Variants in ORC4 observed in about 807,000 individuals in gnomAD.
The protein encoded by ORC4 is origin recognition complex, subunit 4 homolog.
A neutral mutation model predicts 63.9 loss-of-function variants in ORC4; 55 were observed. That is an observed-to-expected ratio of 0.86 (90% confidence interval 0.69 to 1.08). The LOEUF (loss-of-function observed/expected upper bound fraction) is 1.08. Ranked by LOEUF, ORC4 falls within the 50% of genes least tolerant of loss-of-function variation. The pLI is 0.00. For missense variants in ORC4, 511 were observed against 504.4 expected, an observed-to-expected ratio of 1.01 and a Z score of -0.13; for synonymous variants, 150 against 168.5, an observed-to-expected ratio of 0.89 and a Z score of 0.85.
At chr2:147,952,603 C>G (rs1689022081) in intron 7 of ORC4, 79 bp from the exon 8 acceptor site, 1 of 1,180,320 alleles carries the variant, frequency 8.5e-7, no homozygotes, top group Admixed American at 1.8e-5. Context: ...TACTATATTT[C>G]AGTTTTTAAA....
At chr2:147,942,454 T>A (rs1309062697) in intron 10 of ORC4, among the ~76,000 whole-genome samples, 5 of 151,830 alleles carry the variant, frequency 3.3e-5, no homozygotes, top group Admixed American at 3.3e-4. Context: ...GGTTCAACAC[T>A]CAAAAAATAA....
At chr2:147,971,251 ATCT>A (rs1319955266) in intron 4 of ORC4, among the ~76,000 whole-genome samples, 8 of 151,900 alleles carry the variant, frequency 5.3e-5, no homozygotes, top group Admixed American at 3.9e-4. Context: ...AATAAATGAA[ATCT>A]TCTGCTCTGC....
intron 1 of ORC4, among the ~76,000 whole-genome samples, chr2:147,981,356 A>G (rs929628055): frequency 5.3e-5 from 8 of 152,236 alleles, no homozygotes; most frequent in African/African-American, 1.9e-4. Context: ...AAGACAGAGC[A>G]GGACACTGCA....
chr2:147,939,168 G>C lies in ORC4; in HGVS notation c.930C>G (p.Ser310Arg). 6.2e-7 allele frequency: 1 copy of C among 1,610,952 alleles called. No individual in the cohort carries two copies. The highest frequency in any genetic ancestry group is 8.5e-7 in the Non-Finnish European group (1 of 1,177,280). The change falls in exon 11 of 14, where the codon AGC becomes AGG. Residue 310 changes from serine (S) to arginine (R), a missense_variant. Coordinates refer to ENST00000392857, the MANE Select transcript of ORC4 (RefSeq NM_181741.4). Reference protein sequence around the residue: ...VDLMEASQLCSMDSKANIVHG... With the variant: ...VDLMEASQLCRMDSKANIVHG... ...GTACAATATTTGCTTTCGAGTCCAT[G>C]CTACACAGTTGGCTTGCTTCCATTA... is the stretch of plus-strand genomic sequence containing the variant.
intron 4 of ORC4, among the ~76,000 whole-genome samples, chr2:147,962,693 A>G (rs1350318848): frequency 6.6e-6 from 1 of 152,098 alleles, no homozygotes. Context: ...TCTCCCAAGA[A>G]GGAGAGGCCC....
At position 147,931,077 on chromosome 2, in the gene ORC4, A is replaced by C. The variant is rs577768202; in HGVS notation, c.*4433T>G. The C allele has an allele frequency of 6.9e-6, 1 of 144,928 alleles. No individual in the cohort carries two copies. Among genetic ancestry groups the C allele is most frequent in the Non-Finnish European group, 1.5e-5 (1 of 66,074 alleles). 9.0% of individuals were successfully genotyped at this position (144,928 alleles called of 1,614,324 possible). On this transcript the variant is annotated 3_prime_UTR_variant, in exon 14 of 14. Transcript: ENST00000392857. ...TGTGTCCATGTGATCTCATTGTTCAATTCCCACCTATGAGTGAGAATATGC... is the reference window on the plus strand; with the variant it reads ...TGTGTCCATGTGATCTCATTGTTCACTTCCCACCTATGAGTGAGAATATGC...
chr2:147,938,135 C>T lies in ORC4; in HGVS notation c.1122+11G>A, dbSNP rs200822991. 2.0e-5 allele frequency: 31 copies of T among 1,588,112 alleles called. 1 individual carries two copies. In the South Asian group the frequency reaches 3.3e-4, roughly 17 times the overall value. On this transcript the variant is annotated intron_variant, in intron 13 of 13. Coordinates refer to ENST00000392857, the MANE Select transcript of ORC4 (RefSeq NM_181741.4). ...TTGTCTGTAGAAAAATGACAGCAAA[C>T]TAAATCTTACCTTCATGACAACAGG...
At chr2:148,013,464 G>A (rs1203450135) in intron 1 of ORC4, among the ~76,000 whole-genome samples, 2 of 152,112 alleles carry the variant, frequency 1.3e-5, no homozygotes, top group African/African-American at 2.4e-5. Flanking sequence ...TGGTTAATGG[G>A]TAGAAAAATA....
At chr2:147,975,442 T>C (rs1007780678) in intron 2 of ORC4, among the ~76,000 whole-genome samples, 5 of 151,634 alleles carry the variant, frequency 3.3e-5, no homozygotes, top group African/African-American at 1.2e-4. Context: ...AGAATGTCCA[T>C]TCTTCCCAAT....
Position 147,943,508 on chromosome 2 carries a change from A to G in ORC4, c.777T>C (p.Asp259=). 2 of 1,542,722 alleles carry G rather than the reference A, an allele frequency of 1.3e-6. No individual in the cohort carries two copies. The highest frequency in any genetic ancestry group is 1.8e-6 in the Non-Finnish European group (2 of 1,117,640). ...WNENVQYLSE[D]RSVQEVLQKH... ...TCTGTAGTACTTCTTGCACACTTCT[A>G]TCTTCTGAGAGATACTAAAAGGAAA... Residue 259 remains aspartate, a synonymous_variant, in exon 10 of 14, where the codon GAT becomes GAC. Transcript: ENST00000392857.
intron 13 of ORC4, 69 bp downstream of exon 13, chr2:147,938,077 A>T: frequency 9.8e-7 from 1 of 1,019,560 alleles, no homozygotes; most frequent in Non-Finnish European, 1.5e-6. Flanking sequence ...GTGCAATTTT[A>T]ATACATAATC....
At chr2:148,010,821 A>T (rs1323862970) in intron 1 of ORC4, among the ~76,000 whole-genome samples, 3 of 151,448 alleles carry the variant, frequency 2.0e-5, no homozygotes, top group Admixed American at 1.3e-4. Flanking sequence ...AGGATCTCCA[A>T]ATTCATTTTA....
intron 1 of ORC4, among the ~76,000 whole-genome samples, chr2:148,012,473 T>C (rs1693030750): frequency 6.6e-6 from 1 of 152,096 alleles, no homozygotes; most frequent in South Asian, 2.1e-4. Context: ...GACTTACATC[T>C]ATGAAACTAA....
chr2:148,003,463 C>A (rs1692440111), intron 1 of ORC4, among the ~76,000 whole-genome samples: 1 of 152,144 alleles, frequency 6.6e-6, no homozygotes, highest in South Asian at 2.1e-4. Context: ...TCAACATATG[C>A]AAATCAATAA....
chr2:147,940,813 T>G (rs1037624292), intron 10 of ORC4, among the ~76,000 whole-genome samples: 1 of 152,090 alleles, frequency 6.6e-6, no homozygotes, highest in South Asian at 2.1e-4. Flanking sequence ...AGCTAAGCTA[T>G]GAGGACACAA....
chr2:148,019,981 A>G (rs1399087989), intron 1 of ORC4, among the ~76,000 whole-genome samples: 2 of 152,234 alleles, frequency 1.3e-5, no homozygotes. Flanking sequence ...CTACACTATA[A>G]GGGGAAACTT....
At chr2:147,970,969 C>A (rs911763842) in intron 4 of ORC4, among the ~76,000 whole-genome samples, 1 of 150,786 alleles carries the variant, frequency 6.6e-6, no homozygotes. Context: ...CGTCTCTACA[C>A]AAAATTAAAA....
In ORC4 at chr2:147,967,507, G is replaced by GA. The variant is rs889618584; in HGVS notation, c.225+5231dup. On this transcript the variant is annotated intron_variant, in intron 4 of 13. Transcript: ENST00000392857. The stretch of plus-strand genomic sequence containing the variant: ...TGTATATACTAACAACAAACTACCC[G>GA]AAAAAAAAAAATCAAGAAGGCAATC... 7.7e-3 allele frequency among the ~76,000 whole-genome samples: 1,115 copies of GA among 144,156 alleles called. 12 individuals carry two copies. Among genetic ancestry groups the GA allele is most frequent in the African/African-American group, 0.026 (1,032 of 39,630 alleles). 94.6% of individuals were successfully genotyped at this position (144,156 alleles called of 152,430 possible).
chr2:147,968,017 T>C (rs756220674), intron 4 of ORC4, among the ~76,000 whole-genome samples: 27 of 152,072 alleles, frequency 1.8e-4, no homozygotes, highest in Non-Finnish European at 3.5e-4. Context: ...AACTGATTTT[T>C]ACAAAGGCCA....
Sources: gnomAD v4.1 joint callset for allele counts (sites outside exome capture counted in the v4.1 genomes callset) on GRCh38, gnomAD v4.1.1 for gene constraint, MANE v1.5 for transcripts, NCBI Gene and HGNC (gene_info 2026-07-23, HGNC 2026-07-21) for gene names.